The following PCDHGA12 variants were observed in gnomAD, a reference collection of about 807,000 sequenced individuals.
PCDHGA12 encodes the protein protocadherin gamma subfamily A, 12.
Under a neutral mutation model 61.1 loss-of-function variants are expected in PCDHGA12, and 43 were observed. The ratio of observed to expected loss-of-function variants is 0.70; its 90% CI spans 0.55 to 0.91. The LOEUF (loss-of-function observed/expected upper bound fraction) is 0.91, where lower values mean the gene tolerates loss of function less well. Ranked by LOEUF, PCDHGA12 falls within the 40% of genes least tolerant of loss-of-function variation. The pLI is 0.00. For missense variants in PCDHGA12, 1,236 were observed against 1,227.7 expected (o/e 1.01, Z -0.10); for synonymous variants, 520 against 542.9 (o/e 0.96, Z 0.59).
rs1052219950 is a variant in PCDHGA12, at chr5:141,476,865, G to A, written c.2425-17942G>A. The A allele has an allele frequency of 1.2e-6, 2 of 1,613,752 alleles. No individual in the cohort carries two copies. Among genetic ancestry groups the A allele is most frequent in the African/African-American group, 1.3e-5 (1 of 74,958 alleles). On this transcript the variant is annotated intron_variant, in intron 1 of 3. Coordinates refer to ENST00000252085, the MANE Select transcript of PCDHGA12 (RefSeq NM_003735.3). This position sits in a 1 kb window ranked among gnomAD's most constrained non-coding sequence, Gnocchi z 7.6. ...CCTGTCTTCAACCAGTCCTTGTACC[G>A]GGCGCGCGTCCTGGAGGATGCACCC...
intron 1 of PCDHGA12, among the ~76,000 whole-genome samples, chr5:141,467,665 G>T (rs1205474808): frequency 4.6e-5 from 7 of 152,040 alleles, no homozygotes; most frequent in Non-Finnish European, 1.0e-4. Flanking sequence ...AGTGCCAGAA[G>T]ATTTTTATTT....
intron 1 of PCDHGA12, chr5:141,478,834 A>G: frequency 7.0e-7 from 1 of 1,427,896 alleles, no homozygotes; most frequent in Non-Finnish European, 9.2e-7. Context: ...TTGCTAAGGG[A>G]TGGTTAAGCT....
Position 141,491,844 on chromosome 5 carries a change from G to A in PCDHGA12, c.2425-2963G>A. On this transcript the variant is annotated intron_variant, in intron 1 of 3. Transcript: ENST00000252085. The surrounding 1 kb of genome is among the most constrained non-coding windows in gnomAD (Gnocchi z 6.9). ...GCTCCACCCGATTCTCGGGATCATT[G>A]GACCGTTTGCGCGAAACCAGAGTGG... 1 of 1,464,184 alleles carries A rather than the reference G, an allele frequency of 6.8e-7. No homozygotes were observed. 90.7% of individuals were successfully genotyped at this position (1,464,184 alleles called of 1,614,324 possible).
chr5:141,433,365 A>G (rs1347170890), intron 1 of PCDHGA12, 182 bp downstream of exon 1: 7 of 523,718 alleles, frequency 1.3e-5, no homozygotes, highest in Non-Finnish European at 2.4e-5. Context: ...CTGCCTATCT[A>G]TCTATCTATC....
intron 1 of PCDHGA12, among the ~76,000 whole-genome samples, chr5:141,470,181 A>G (rs974401154): frequency 3.9e-5 from 6 of 152,236 alleles, no homozygotes; most frequent in African/African-American, 9.6e-5. Flanking sequence ...AAAATATTCA[A>G]GTAAACTTCA....
rs754728562 is a variant in PCDHGA12, at chr5:141,489,487, G to A, written c.2425-5320G>A. 6.2e-7 allele frequency: 1 copy of A among 1,613,942 alleles called. No individual in the cohort carries two copies. On this transcript the variant is annotated intron_variant, in intron 1 of 3. Coordinates refer to ENST00000252085, the MANE Select transcript of PCDHGA12 (RefSeq NM_003735.3). This position sits in a 1 kb window ranked among gnomAD's most constrained non-coding sequence, Gnocchi z 4.5. The stretch of plus-strand genomic sequence containing the variant: ...TTTTTCCCTGAGCTTGATGAGTGGT[G>A]CCCTGGCAGTGAATCAAAAGATTGA...
chr5:141,449,645 A>G (rs1331667429), intron 1 of PCDHGA12, among the ~76,000 whole-genome samples: 1 of 151,128 alleles, frequency 6.6e-6, no homozygotes, highest in African/African-American at 2.4e-5. Context: ...CTATATATAC[A>G]TATTTACATA....
intron 1 of PCDHGA12, among the ~76,000 whole-genome samples, chr5:141,451,606 G>C (rs2098720118): frequency 6.6e-6 from 1 of 152,152 alleles, no homozygotes; most frequent in Non-Finnish European, 1.5e-5. Flanking sequence ...ACAAGGCTAG[G>C]CATGGTGGCT....
At chr5:141,510,272 TAA>T (rs546154379) in intron 3 of PCDHGA12, among the ~76,000 whole-genome samples, 46 of 130,286 alleles carry the variant, frequency 3.5e-4, no homozygotes, top group South Asian at 5.0e-4. Context: ...GACTCCATCT[TAA>T]AAAAAAAAAA....
At position 141,476,294 on chromosome 5, in the gene PCDHGA12, A is replaced by T. The variant is rs376905832; in HGVS notation, c.2425-18513A>T. On this transcript the variant is annotated intron_variant, in intron 1 of 3. Coordinates refer to ENST00000252085, the MANE Select transcript of PCDHGA12 (RefSeq NM_003735.3). The surrounding 1 kb of genome is among the most constrained non-coding windows in gnomAD (Gnocchi z 7.6). ...CGCGAACCTTGGTTTGGATCTCGGT[A>T]GCCTCTCAGCCCGCAGGTTCCGGGT... is the stretch of plus-strand genomic sequence containing the variant. 2 of 1,613,036 alleles carry T rather than the reference A, an allele frequency of 1.2e-6. No homozygotes were observed. The highest frequency in any genetic ancestry group is 1.7e-6 in the Non-Finnish European group (2 of 1,179,642).
chr5:141,494,182 C>A (rs188628485), intron 1 of PCDHGA12, among the ~76,000 whole-genome samples: 1 of 152,126 alleles, frequency 6.6e-6, no homozygotes, highest in Non-Finnish European at 1.5e-5. Context: ...AGAAGTGTCC[C>A]GGGACTTGGA....
At chr5:141,501,691 G>C (rs910322085) in intron 2 of PCDHGA12, among the ~76,000 whole-genome samples, 1 of 152,092 alleles carries the variant, frequency 6.6e-6, no homozygotes, top group Non-Finnish European at 1.5e-5. Context: ...CTTATCTGCA[G>C]GGTGATTCCG....
chr5:141,458,409 G>C (rs188300064), intron 1 of PCDHGA12, among the ~76,000 whole-genome samples: 1 of 152,244 alleles, frequency 6.6e-6, no homozygotes, highest in African/African-American at 2.4e-5. Context: ...GAGACGGAGC[G>C]GGGGTTCCAA....
chr5:141,511,462 C>T lies in PCDHGA12; in HGVS notation c.*289C>T, dbSNP rs1385398410. On this transcript the variant is annotated 3_prime_UTR_variant, in exon 4 of 4. Transcript: ENST00000252085. Reference sequence around the variant, plus strand: ...AGACACCAAGAACCATTTGCCACACCCCGTTTAGTTACAGCTGAACTCCTC... The same window carrying T: ...AGACACCAAGAACCATTTGCCACACTCCGTTTAGTTACAGCTGAACTCCTC... 5.4e-6 allele frequency: 3 copies of T among 556,350 alleles called. No individual in the cohort carries two copies. In the South Asian group the frequency reaches 6.3e-5, roughly 12 times the overall value. 34.5% of individuals were successfully genotyped at this position (556,350 alleles called of 1,614,324 possible).
intron 1 of PCDHGA12, among the ~76,000 whole-genome samples, chr5:141,459,544 T>G (rs772982634): frequency 6.6e-6 from 1 of 152,246 alleles, no homozygotes; most frequent in Non-Finnish European, 1.5e-5. Flanking sequence ...TTTTTTTTAT[T>G]TCTCTTGGAT....
intron 1 of PCDHGA12, among the ~76,000 whole-genome samples, chr5:141,463,302 A>T (rs2099056422): frequency 6.6e-6 from 1 of 151,090 alleles, no homozygotes; most frequent in Non-Finnish European, 1.5e-5. Context: ...ATCTCCCCAA[A>T]CTCTAATATC....
Position 141,430,534 on chromosome 5 carries a change from C to CT in PCDHGA12, c.-225dup, listed in dbSNP as rs962032641. The CT allele has an allele frequency of 5.2e-6, 2 of 381,726 alleles. No individual in the cohort carries two copies. The highest frequency in any genetic ancestry group is 9.2e-6 in the Non-Finnish European group (2 of 216,552). 23.6% of individuals were successfully genotyped at this position (381,726 alleles called of 1,614,324 possible). A position where few individuals can be genotyped will look rare whatever the true frequency, so the allele number is the denominator to read the frequency against. On this transcript the variant is annotated 5_prime_UTR_variant, in exon 1 of 4. Coordinates refer to ENST00000252085, the MANE Select transcript of PCDHGA12 (RefSeq NM_003735.3). ...GATTGTGCAGTAATTGGTTAGGACT[C>CT]TGAGCGCCGCTGTTCACCAATCGGG...
At position 141,486,141 on chromosome 5, in the gene PCDHGA12, G is replaced by A. The variant is rs369317501; in HGVS notation, c.2425-8666G>A. 28 of 1,614,066 alleles carry A rather than the reference G, an allele frequency of 1.7e-5. No homozygotes were observed. The highest frequency in any genetic ancestry group is 2.3e-5 in the Non-Finnish European group (27 of 1,180,044). On this transcript the variant is annotated intron_variant, in intron 1 of 3. Transcript: ENST00000252085. This position sits in a 1 kb window ranked among gnomAD's most constrained non-coding sequence, Gnocchi z 5.0. ...TACTATGAATTTGATGTGCGGGCTC[G>A]CGATGGGGGTTCTCCAGCCATGGAG...
chr5:141,486,645 C>T lies in PCDHGA12; in HGVS notation c.2425-8162C>T, dbSNP rs369948556. ...GACTCTGGCTTGAATGCGCTTATCT[C>T]CTACTCACTCCTGGAGCCCAGGAAT... On this transcript the variant is annotated intron_variant, in intron 1 of 3. Coordinates refer to ENST00000252085, the MANE Select transcript of PCDHGA12 (RefSeq NM_003735.3). This position sits in a 1 kb window ranked among gnomAD's most constrained non-coding sequence, Gnocchi z 5.0. 1.9e-6 allele frequency: 3 copies of T among 1,613,752 alleles called. No individual in the cohort carries two copies. The highest frequency in any genetic ancestry group is 2.2e-5 in the East Asian group (1 of 44,896).
Sources: gnomAD v4.1 joint callset for allele counts (sites outside exome capture counted in the v4.1 genomes callset) on GRCh38, gnomAD v4.1.1 for gene constraint, Gnocchi (gnomAD v3.1) non-coding constraint, MANE v1.5 for transcripts, NCBI Gene and HGNC (gene_info 2026-07-23, HGNC 2026-07-21) for gene names.